PRR5: variants seen among roughly 807,000 people sequenced by gnomAD.
PRR5 encodes the protein proline rich 5.
In PRR5, 25 loss-of-function variants were observed where a neutral mutation model predicts 30.6. The observed-to-expected ratio is 0.82, with a 90% CI of 0.60 to 1.14. The LOEUF (loss-of-function observed/expected upper bound fraction) is 1.14, where lower values mean the gene tolerates loss of function less well. Among genes scored for constraint, PRR5 ranks in the 50% most tolerant of loss-of-function variants. The pLI is 0.00. For missense variants in PRR5, 600 were observed against 547.1 expected, an observed-to-expected ratio of 1.10 and a Z score of -0.96; for synonymous variants, 286 against 247.1, an observed-to-expected ratio of 1.16 and a Z score of -1.48.
chr22:44,710,716 G>GT (rs1256546758), intron 1 of PRR5, among the ~76,000 whole-genome samples: 1 of 152,172 alleles, frequency 6.6e-6, no homozygotes, highest in African/African-American at 2.4e-5. Flanking sequence ...CTGGGTGTGG[G>GT]GGAGGGGCCT....
chr22:44,685,770 A>G (rs1254460658), intron 1 of PRR5, among the ~76,000 whole-genome samples: 21 of 152,348 alleles, frequency 1.4e-4, no homozygotes, highest in South Asian at 4.1e-4. Flanking sequence ...ACAGAATCCC[A>G]AGCACCAAGG....
chr22:44,717,047 T>C (rs944498193), intron 2 of PRR5, among the ~76,000 whole-genome samples: 1 of 151,800 alleles, frequency 6.6e-6, no homozygotes, highest in African/African-American at 2.4e-5. Context: ...GGTAACTGAG[T>C]AAGACCCCAT....
At position 44,692,493 on chromosome 22, in the gene PRR5, G is replaced by T. The variant is rs145221862; in HGVS notation, c.-10-9999G>T. On this transcript the variant is annotated intron_variant, in intron 1 of 8. Coordinates refer to the PRR5 transcript ENST00000006251. Reference sequence around the variant, plus strand: ...TCCTCCCGGGGGCTCCTCCTCCCAGGGCTCCTCCACCTGGCACTCCTCCTC... The same window carrying T: ...TCCTCCCGGGGGCTCCTCCTCCCAGTGCTCCTCCACCTGGCACTCCTCCTC... Among the ~76,000 whole-genome samples the T allele has an allele frequency of 1.8e-4, 23 of 128,360 alleles. No individual in the cohort carries two copies. In the East Asian group the frequency reaches 4.6e-3, roughly 25 times the overall value. The allele number at this position is 128,360 out of a possible 152,430, so 84.2% of individuals were successfully genotyped here. A position where few individuals can be genotyped will look rare whatever the true frequency, so the allele number is the denominator to read the frequency against.
chr22:44,704,389 C>A (rs1488875035), intron 1 of PRR5, among the ~76,000 whole-genome samples: 4 of 152,146 alleles, frequency 2.6e-5, no homozygotes, highest in African/African-American at 9.7e-5. Flanking sequence ...CCTCACCCAA[C>A]CTTGGGTGAC....
intron 6 of PRR5, among the ~76,000 whole-genome samples, chr22:44,733,366 G>A (rs532189653): frequency 2.0e-5 from 3 of 152,358 alleles, no homozygotes; most frequent in South Asian, 2.1e-4. Flanking sequence ...TAATAAGGGC[G>A]GGAGCCCAGC....
chr22:44,735,175 C>T lies in PRR5; in HGVS notation c.691+13C>T, dbSNP rs749024609. 98 of 1,610,270 alleles carry T rather than the reference C, an allele frequency of 6.1e-5. No individual in the cohort carries two copies. Among genetic ancestry groups the T allele is most frequent in the Non-Finnish European group, 7.6e-6 (9 of 1,178,822 alleles). ...TCCTGCATCCTGGGTAGGGGTCCGCCTGGGCCTTGGGCTGGGGCAGGGGTG... is the reference window on the plus strand; with the variant it reads ...TCCTGCATCCTGGGTAGGGGTCCGCTTGGGCCTTGGGCTGGGGCAGGGGTG... On this transcript the variant is annotated intron_variant, in intron 7 of 7. Coordinates refer to ENST00000336985, the MANE Select transcript of PRR5 (RefSeq NM_181333.4).
chr22:44,730,147 A>G, intron 4 of PRR5: 1 of 985,130 alleles, frequency 1.0e-6, no homozygotes. Flanking sequence ...ACCTACATGA[A>G]GCTGGGGGCT....
upstream of PRR5, among the ~76,000 whole-genome samples, chr22:44,701,134 G>C (rs74768165): frequency 6.6e-6 from 1 of 152,104 alleles, no homozygotes; most frequent in Non-Finnish European, 1.5e-5. Context: ...CTCCCACCTC[G>C]GCCTCCCAAA....
At position 44,735,015 on chromosome 22, in the gene PRR5, A is replaced by G. The variant is rs1555904482; in HGVS notation, c.556-12A>G. The G allele has an allele frequency of 6.2e-7, 1 of 1,609,758 alleles. No homozygotes were observed. Among genetic ancestry groups the G allele is most frequent in the Non-Finnish European group, 8.5e-7 (1 of 1,177,764 alleles). On this transcript the variant is annotated splice_polypyrimidine_tract_variant and intron_variant, in intron 6 of 7. Transcript: ENST00000336985. Reference sequence around the variant, plus strand: ...TGCATGACCCCCTACCCCCTGCCCCACTCTCCTGCAGGGGGTACATGAGTC... The same window carrying G: ...TGCATGACCCCCTACCCCCTGCCCCGCTCTCCTGCAGGGGGTACATGAGTC...
rs763582444 is a variant in PRR5 at position 44,702,550 on chromosome 22, G to T, written c.76G>T (p.Ala26Ser). The T allele has an allele frequency of 4.2e-6, 6 of 1,444,668 alleles. No individual in the cohort carries two copies. Among genetic ancestry groups the T allele is most frequent in the Non-Finnish European group, 5.5e-6 (6 of 1,097,778 alleles). The allele number at this position is 1,444,668 out of a possible 1,614,324, so 89.5% of individuals were successfully genotyped here. The change falls in exon 1 of 8, where the codon GCC (alanine) becomes TCC (serine). Residue 26 changes from alanine to serine, a missense_variant. Physicochemically the swap from Ala to Ser is moderately conservative, Grantham distance 99. Transcript: ENST00000336985. ...SDLGKREPAA[A>S]ADERGTQQRR... ...CCTGGGCAAGAGAGAGCCGGCCGCC[G>T]CCGCGGACGAGCGGGGCACGCAGCA... is the stretch of plus-strand genomic sequence containing the variant.
chr22:44,697,964 C>T (rs919017994), upstream of PRR5, among the ~76,000 whole-genome samples: 3 of 152,180 alleles, frequency 2.0e-5, no homozygotes, highest in African/African-American at 7.2e-5. Context: ...CTTTGGCTGG[C>T]CTGTGTCCCA....
At chr22:44,689,349 A>G (rs962635538) in intron 1 of PRR5, among the ~76,000 whole-genome samples, 2 of 152,136 alleles carry the variant, frequency 1.3e-5, no homozygotes, top group Non-Finnish European at 2.9e-5. Context: ...ATCTGTACAC[A>G]TCTTTCATCC....
At chr22:44,682,204 G>A (rs759479509) in intron 1 of PRR5, among the ~76,000 whole-genome samples, 3 of 151,702 alleles carry the variant, frequency 2.0e-5, no homozygotes, top group Admixed American at 6.5e-5. Context: ...AAGCTGAGAG[G>A]ACCCTCCAGG....
At chr22:44,727,779 G>A (rs576159281) in intron 4 of PRR5, among the ~76,000 whole-genome samples, 1 of 152,192 alleles carries the variant, frequency 6.6e-6, no homozygotes, top group Non-Finnish European at 1.5e-5. Flanking sequence ...CCTTGGAGCT[G>A]CGTGTCATGG....
chr22:44,682,297 GTACTCTAA>G (rs1569064927), intron 1 of PRR5, among the ~76,000 whole-genome samples: 1 of 152,126 alleles, frequency 6.6e-6, no homozygotes. Flanking sequence ...CTCCTTACGT[GTACTCTAA>G]TACAGGGGAT....
chr22:44,732,783 G>A (rs941431065), intron 6 of PRR5, among the ~76,000 whole-genome samples: 5 of 143,664 alleles, frequency 3.5e-5, no homozygotes, highest in South Asian at 2.2e-4. Context: ...CTGTGTGCAC[G>A]CACATACTAC....
At chr22:44,697,680 G>A (rs998328552), upstream of PRR5, among the ~76,000 whole-genome samples, 1 of 152,230 alleles carries the variant, frequency 6.6e-6, no homozygotes, top group Non-Finnish European at 1.5e-5. Context: ...GCCGTGCCCC[G>A]GGGAGAGTGG....
chr22:44,733,625 C>A (rs73418227), intron 6 of PRR5, among the ~76,000 whole-genome samples: 1 of 152,048 alleles, frequency 6.6e-6, no homozygotes. Flanking sequence ...TTCAGCTTCC[C>A]GGTCTTTAAC....
chr22:44,702,649 C>T lies in PRR5; in HGVS notation c.134+41C>T, dbSNP rs1601991714. ...CCCGGCCACCCGGAGGCCCTGGAGC[C>T]GGGGGAGGGGACCCCTGAGCCGTCC... is the stretch of plus-strand genomic sequence containing the variant. On this transcript the variant is annotated intron_variant, in intron 1 of 7. Coordinates refer to ENST00000336985, the MANE Select transcript of PRR5 (RefSeq NM_181333.4). 1.6e-6 allele frequency: 2 copies of T among 1,261,638 alleles called. 1 individual carries two copies. The highest frequency in any genetic ancestry group is 5.5e-5 in the South Asian group (2 of 36,646). 78.2% of individuals were successfully genotyped at this position (1,261,638 alleles called of 1,614,324 possible).
Sources: gnomAD v4.1 joint callset for allele counts (sites outside exome capture counted in the v4.1 genomes callset) on GRCh38, gnomAD v4.1.1 for gene constraint, MANE v1.5 for transcripts, NCBI Gene and HGNC (gene_info 2026-07-23, HGNC 2026-07-21) for gene names.